The following SNX9 variants were observed in gnomAD, a reference collection of about 807,000 sequenced individuals.
The protein encoded by SNX9 is sorting nexin 9.
Under a neutral mutation model 89.4 loss-of-function variants are expected in SNX9, and 44 were observed. The ratio of observed to expected loss-of-function variants is 0.49; its 90% CI spans 0.39 to 0.63. The LOEUF is 0.63. Among genes scored for constraint, SNX9 ranks in the 30% least tolerant of loss-of-function variants. The pLI is 0.00. For synonymous variants in SNX9, 236 were observed against 247.8 expected (o/e 0.95, Z 0.45); for missense variants, 578 against 736.1 (o/e 0.79, Z 2.49).
chr6:157,831,358 C>T (rs1781475404), intron 1 of SNX9, among the ~76,000 whole-genome samples: 1 of 152,174 alleles, frequency 6.6e-6, no homozygotes, highest in African/African-American at 2.4e-5. Flanking sequence ...TCCTTGGAGT[C>T]ACTATATCTT....
At chr6:157,851,876 A>G (rs2115121724) in intron 1 of SNX9, among the ~76,000 whole-genome samples, 1 of 152,266 alleles carries the variant, frequency 6.6e-6, no homozygotes, top group East Asian at 1.9e-4. Flanking sequence ...GGTCTGAGCC[A>G]CCGTGCCCGG....
chr6:157,886,210 C>T (rs1782732867), intron 4 of SNX9, among the ~76,000 whole-genome samples: 1 of 152,070 alleles, frequency 6.6e-6, no homozygotes, highest in African/African-American at 2.4e-5. Flanking sequence ...CTGCTTACTG[C>T]ATTTTTTTGT....
intron 1 of SNX9, among the ~76,000 whole-genome samples, chr6:157,853,791 TA>T (rs11322047): frequency 0.3 from 44,129 of 147,768 alleles, 7,486 homozygotes; most frequent in African/African-American, 0.48. Context: ...ATGTAATGTT[TA>T]AAAAAAAAAA....
intron 10 of SNX9, among the ~76,000 whole-genome samples, chr6:157,922,400 G>A (rs1490273270): frequency 6.6e-6 from 1 of 152,206 alleles, no homozygotes; most frequent in Non-Finnish European, 1.5e-5. Flanking sequence ...TGGCCCAGAA[G>A]CCACAGCAGA....
intron 9 of SNX9, among the ~76,000 whole-genome samples, chr6:157,916,192 G>A (rs186221033): frequency 7.4e-4 from 113 of 151,988 alleles, no homozygotes; most frequent in African/African-American, 2.4e-3. Context: ...CCGCCACCAC[G>A]CCCTGCTAAT....
chr6:157,862,429 CTT>C (rs1481496220), intron 1 of SNX9, among the ~76,000 whole-genome samples: 3 of 152,158 alleles, frequency 2.0e-5, no homozygotes, highest in Non-Finnish European at 4.4e-5. Flanking sequence ...ATTACCTACT[CTT>C]TATGCAAAAC....
intron 1 of SNX9, among the ~76,000 whole-genome samples, chr6:157,826,130 CTACTA>C (rs1303925672): frequency 2.0e-5 from 3 of 152,100 alleles, no homozygotes; most frequent in Admixed American, 1.3e-4. Context: ...AAAAACTCCA[CTACTA>C]TATTTTACAA....
At chr6:157,897,593 C>T (rs528720427) in intron 5 of SNX9, among the ~76,000 whole-genome samples, 9 of 152,274 alleles carry the variant, frequency 5.9e-5, no homozygotes, top group Non-Finnish European at 1.0e-4. Context: ...CTGCAACCTC[C>T]GCCTCCCAGG....
In SNX9 at chr6:157,928,667, C is replaced by T. The variant is rs151179291; in HGVS notation, c.1253C>T (p.Thr418Met). 10,630 of 1,609,400 alleles carry T rather than the reference C, an allele frequency of 6.6e-3. 37 individuals are homozygous for T. The highest frequency in any genetic ancestry group is 7.6e-3 in the Non-Finnish European group (8,929 of 1,177,998). The change falls in exon 12 of 18, where the codon ACG becomes ATG. Residue 418 changes from threonine to methionine, a missense_variant. By Grantham distance (81) the Thr-to-Met change is moderately conservative (BLOSUM62 -1). Coordinates refer to ENST00000392185, the MANE Select transcript of SNX9 (RefSeq NM_016224.5). ...GATGACGGCGTGAAGGAGCTGCTGA[C>T]GGTGGGGCAGGAGCACTGGAAGCGC... ...AMDDGVKELL[T>M]VGQEHWKRCT... is the part of the protein sequence containing the mutation.
In SNX9 at chr6:157,927,864, C is replaced by T. The variant is rs77329554; in HGVS notation, c.1184+650C>T. On this transcript the variant is annotated intron_variant, in intron 11 of 17. Coordinates refer to ENST00000392185, the MANE Select transcript of SNX9 (RefSeq NM_016224.5). ...GCCTCAGCCTCTCGAGTAGCTGGGA[C>T]TACATAATTTTAAGCTTTGTTATCA... is the stretch of plus-strand genomic sequence containing the variant. Among the ~76,000 whole-genome samples the T allele has an allele frequency of 3.9e-3, 593 of 151,396 alleles. 1 individual carries two copies. The highest frequency in any genetic ancestry group is 5.1e-3 in the Non-Finnish European group (343 of 67,904).
intron 1 of SNX9, among the ~76,000 whole-genome samples, chr6:157,862,919 T>A (rs1782173726): frequency 6.6e-6 from 1 of 152,228 alleles, no homozygotes; most frequent in Admixed American, 6.5e-5. Flanking sequence ...GACAGTTTAA[T>A]AAGCTCATGA....
In SNX9 at chr6:157,900,525, G is replaced by A. The variant is rs183943613; in HGVS notation, c.473-1373G>A. Among the ~76,000 whole-genome samples, 22 of 152,158 alleles carry A rather than the reference G, an allele frequency of 1.4e-4. No individual in the cohort carries two copies. In the East Asian group the frequency reaches 4.1e-3, roughly 28 times the overall value. On this transcript the variant is annotated intron_variant, in intron 5 of 17. Transcript: ENST00000392185. Reference sequence around the variant, plus strand: ...AGATAGCGAAAGCTGGGTCCGGGGGGGTCACTGCCTTCTGGTCCTGCAGTG... The same window carrying A: ...AGATAGCGAAAGCTGGGTCCGGGGGAGTCACTGCCTTCTGGTCCTGCAGTG...
rs772222795 is a variant in SNX9 at position 157,938,654 on chromosome 6, G to C, written c.1555G>C (p.Glu519Gln). 6.2e-7 allele frequency: 1 copy of C among 1,613,572 alleles called. No individual in the cohort carries two copies. Among genetic ancestry groups the C allele is most frequent in the Non-Finnish European group, 8.5e-7 (1 of 1,179,646 alleles). ...ACAGGGAGCAATAGAAAAAGTGAAA[G>C]AAAGTGACAAACTAGTTGCAACAAG... Reference protein sequence around the residue: ...THKGAIEKVKESDKLVATSKI... With the variant: ...THKGAIEKVKQSDKLVATSKI... Residue 519 changes from glutamate (E) to glutamine (Q), a missense_variant, in exon 16 of 18, where the codon GAA becomes CAA. Glu to Gln is a conservative substitution (Grantham distance 29). This residue lies in a region of SNX9 where 348 missense variants were observed against 491.4 expected (regional missense o/e 0.71). Transcript: ENST00000392185.
At chr6:157,854,689 T>C (rs1227226264) in intron 1 of SNX9, among the ~76,000 whole-genome samples, 2 of 152,232 alleles carry the variant, frequency 1.3e-5, no homozygotes, top group Non-Finnish European at 2.9e-5. Flanking sequence ...TATGTATTTA[T>C]ATACACTGAA....
intron 4 of SNX9, among the ~76,000 whole-genome samples, chr6:157,893,934 T>G (rs528478400): frequency 1.4e-3 from 216 of 152,160 alleles, no homozygotes; most frequent in African/African-American, 5.0e-3. Flanking sequence ...AATAGATCAC[T>G]AAGAAACAAG....
chr6:157,827,905 A>G lies in SNX9; in HGVS notation c.12+4459A>G, dbSNP rs2115102587. On this transcript the variant is annotated intron_variant, in intron 1 of 17. Coordinates refer to ENST00000392185, the MANE Select transcript of SNX9 (RefSeq NM_016224.5). ...CTCTTCGGTTCCAATACCTAAAGTT[A>G]TACACATGTGTTACACAGCTTGTCT... 1.3e-5 allele frequency among the ~76,000 whole-genome samples: 2 copies of G among 149,638 alleles called. 1 individual carries two copies. The highest frequency in any genetic ancestry group is 4.2e-4 in the South Asian group (2 of 4,756).
At chr6:157,851,666 T>C (rs1284912462) in intron 1 of SNX9, among the ~76,000 whole-genome samples, 1 of 152,220 alleles carries the variant, frequency 6.6e-6, no homozygotes, top group Admixed American at 6.5e-5. Context: ...CTTGGCTCAC[T>C]GCACCCTCCA....
chr6:157,938,875 T>G (rs1261941019), intron 16 of SNX9, 128 bp downstream of exon 16: 1 of 625,004 alleles, frequency 1.6e-6, no homozygotes, highest in African/African-American at 1.8e-5. Flanking sequence ...GCCCCTCGTT[T>G]GCAGGATCCC....
chr6:157,872,337 T>A (rs983288479), intron 2 of SNX9, among the ~76,000 whole-genome samples: 3 of 152,220 alleles, frequency 2.0e-5, no homozygotes, highest in Non-Finnish European at 4.4e-5. Context: ...TTATTAATAT[T>A]ATTTATCCAG....
Sources: gnomAD v4.1 joint callset for allele counts (sites outside exome capture counted in the v4.1 genomes callset) on GRCh38, gnomAD v4.1.1 for gene constraint, gnomAD v4.1.1 regional missense constraint, MANE v1.5 for transcripts, NCBI Gene and HGNC (gene_info 2026-07-23, HGNC 2026-07-21) for gene names.